Variants in RNF216 observed in about 807,000 individuals in gnomAD.
The protein encoded by RNF216 is ring finger protein 216.
A neutral mutation model predicts 110.8 loss-of-function variants in RNF216; 72 were observed. That is an observed-to-expected ratio of 0.65 (90% CI 0.54 to 0.79). The LOEUF (loss-of-function observed/expected upper bound fraction) is 0.79, where lower values mean the gene tolerates loss of function less well. Ranked by LOEUF, RNF216 falls within the 30% of genes least tolerant of loss-of-function variation. RNF216 has a pLI of 0.00. For synonymous variants in RNF216, 495 were observed against 407.5 expected (o/e 1.21, Z -2.59); for missense variants, 1,342 against 1,141.2 (o/e 1.18, Z -2.54).
At chr7:5,774,464 A>C (rs1284574911) in intron 1 of RNF216, among the ~76,000 whole-genome samples, 1 of 152,192 alleles carries the variant, frequency 6.6e-6, no homozygotes, top group South Asian at 2.1e-4. Flanking sequence ...ATTTTAAAAA[A>C]TAAAAACTTT....
chr7:5,764,034 A>G (rs1261967283), intron 1 of RNF216, among the ~76,000 whole-genome samples: 1 of 151,622 alleles, frequency 6.6e-6, no homozygotes, highest in Non-Finnish European at 1.5e-5. Flanking sequence ...TACTAAAAAT[A>G]CAAGAAATTA....
chr7:5,753,895 T>G (rs1363602403), intron 2 of RNF216, among the ~76,000 whole-genome samples: 1 of 152,104 alleles, frequency 6.6e-6, no homozygotes, highest in African/African-American at 2.4e-5. Flanking sequence ...TTCAGGAGGC[T>G]GAGGCAGGAG....
At chr7:5,779,294 A>AGCT (rs1278796073) in intron 1 of RNF216, among the ~76,000 whole-genome samples, 2 of 152,026 alleles carry the variant, frequency 1.3e-5, no homozygotes, top group African/African-American at 2.4e-5. Context: ...CTCTTTTATT[A>AGCT]GCTGCTGCTG....
chr7:5,656,441 G>A (rs144554966), intron 13 of RNF216, among the ~76,000 whole-genome samples: 1 of 152,176 alleles, frequency 6.6e-6, no homozygotes, highest in Non-Finnish European at 1.5e-5. Flanking sequence ...GAAGAACAGG[G>A]TATCGTGGCC....
intron 15 of RNF216, among the ~76,000 whole-genome samples, chr7:5,629,749 T>C (rs2128558496): frequency 6.9e-6 from 1 of 145,396 alleles, no homozygotes; most frequent in Admixed American, 7.1e-5. Flanking sequence ...ATCACTTGAA[T>C]CTGGGAGGCA....
At chr7:5,768,755 G>A (rs1314048553) in intron 1 of RNF216, among the ~76,000 whole-genome samples, 9 of 149,450 alleles carry the variant, frequency 6.0e-5, no homozygotes, top group East Asian at 2.0e-4. Context: ...TCCGCCTCCC[G>A]GGTTTACGCC....
intron 15 of RNF216, among the ~76,000 whole-genome samples, chr7:5,635,122 C>G (rs114430978): frequency 6.6e-6 from 1 of 152,100 alleles, no homozygotes; most frequent in Admixed American, 6.6e-5. Context: ...CACATCATCT[C>G]CCTCATCTGC....
chr7:5,640,696 A>T (rs1421680718), intron 15 of RNF216, among the ~76,000 whole-genome samples: 1 of 152,266 alleles, frequency 6.6e-6, no homozygotes, highest in East Asian at 1.9e-4. Flanking sequence ...CCATCATTGC[A>T]TTTCTAGAAC....
At position 5,725,369 on chromosome 7, in the gene RNF216, T is replaced by C. The variant is rs1793686045; in HGVS notation, c.1459A>G (p.Lys487Glu). The change falls in exon 8 of 17, where the codon AAA (lysine) becomes GAA (glutamate). Residue 487 changes from lysine to glutamate, a missense_variant. Lys to Glu is a moderately conservative substitution (Grantham distance 56). Transcript: ENST00000389902. Reference protein sequence around the residue: ...PETSGKRKKRKQMNQYSYIDF... With the variant: ...PETSGKRKKREQMNQYSYIDF... ...ATGTAAGAATACTGGTTCATTTGTT[T>C]TCTCTTCTTCCTTTTTCCACTGGTT... is the stretch of plus-strand genomic sequence containing the variant. 6.2e-7 allele frequency: 1 copy of C among 1,613,890 alleles called. No homozygotes were observed. Among genetic ancestry groups the C allele is most frequent in the Non-Finnish European group, 8.5e-7 (1 of 1,179,724 alleles).
At chr7:5,692,770 T>G (rs145744740) in intron 13 of RNF216, among the ~76,000 whole-genome samples, 251 of 152,366 alleles carry the variant, frequency 1.6e-3, no homozygotes, top group African/African-American at 5.6e-3. Flanking sequence ...CATTTCTATT[T>G]TTCAAGTTCT....
chr7:5,761,223 T>C, intron 1 of RNF216, 85 bp from the exon 2 acceptor site: 1 of 511,696 alleles, frequency 2.0e-6, no homozygotes, highest in South Asian at 3.4e-5. Flanking sequence ...CATCTGAAGC[T>C]TATGCTGAAA....
Position 5,622,622 on chromosome 7 carries a change from G to A in RNF216, c.*238C>T. The A allele has an allele frequency of 2.0e-6, 1 of 509,880 alleles. No homozygotes were observed. Among genetic ancestry groups the A allele is most frequent in the Non-Finnish European group, 3.5e-6 (1 of 287,478 alleles). 31.6% of individuals were successfully genotyped at this position (509,880 alleles called of 1,614,324 possible). On this transcript the variant is annotated 3_prime_UTR_variant, in exon 17 of 17. Coordinates refer to ENST00000389902, the MANE Select transcript of RNF216 (RefSeq NM_207111.4). ...GTTGGTGGCCTGGGGGATGCGAGGG[G>A]AGGGGCAGTTCACATCGCAGCTCTC...
intron 13 of RNF216, among the ~76,000 whole-genome samples, chr7:5,688,129 T>G (rs987192773): frequency 6.6e-6 from 1 of 152,242 alleles, no homozygotes; most frequent in African/African-American, 2.4e-5. Flanking sequence ...ATTCCCACAG[T>G]TGGCTGGTGG....
intron 1 of RNF216, among the ~76,000 whole-genome samples, chr7:5,770,448 C>G (rs947584362): frequency 7.1e-6 from 1 of 140,386 alleles, no homozygotes; most frequent in African/African-American, 2.7e-5. Context: ...GCAACGAGAG[C>G]AAAACTCCGT....
chr7:5,709,612 T>C (rs1051799587), intron 13 of RNF216, among the ~76,000 whole-genome samples: 23 of 152,180 alleles, frequency 1.5e-4, no homozygotes, highest in African/African-American at 5.3e-4. Flanking sequence ...AGGCCATGTA[T>C]ATTCCTCCCA....
At position 5,623,166 on chromosome 7, in the gene RNF216, T is replaced by C. The variant is rs1184202419; in HGVS notation, c.2466A>G (p.Lys822=). 6.4e-7 allele frequency: 1 copy of C among 1,557,446 alleles called. No homozygotes were observed. ...QKRKNGENTF[K]RIGPPLEKPV... is the part of the protein sequence containing the mutation. ...GCTTCTCCAGCGGGGGTCCAATGCG[T>C]TTGAAGGTGTTCTCTGAAAGGGATG... Residue 822 remains lysine, a synonymous_variant, in exon 17 of 17, where the codon AAA becomes AAG. Transcript: ENST00000389902.
intron 1 of RNF216, among the ~76,000 whole-genome samples, chr7:5,771,951 G>A (rs1018983651): frequency 6.6e-5 from 10 of 151,888 alleles, no homozygotes; most frequent in Admixed American, 6.6e-4. Context: ...AAACCACAAG[G>A]GGCCGGGCGT....
Position 5,628,457 on chromosome 7 carries a change from G to GT in RNF216, c.2383-4333dup, listed in dbSNP as rs555295636. On this transcript the variant is annotated intron_variant, in intron 15 of 16. Coordinates refer to ENST00000389902, the MANE Select transcript of RNF216 (RefSeq NM_207111.4). ...TTAATAACTTTAATACAACTTAAAA[G>GT]TTTTTTTTCTTTTTTAAAATAAAAA... is the stretch of plus-strand genomic sequence containing the variant. Among the ~76,000 whole-genome samples, 1,172 of 152,068 alleles carry GT rather than the reference G, an allele frequency of 7.7e-3. 9 individuals are homozygous for GT. Among genetic ancestry groups the GT allele is most frequent in the African/African-American group, 0.025 (1,041 of 41,464 alleles).
intron 13 of RNF216, among the ~76,000 whole-genome samples, chr7:5,706,291 T>C (rs1584483888): frequency 6.6e-6 from 1 of 152,006 alleles, no homozygotes; most frequent in East Asian, 1.9e-4. Context: ...CATTTTTAAG[T>C]GTACAGGGTC....
Sources: allele counts gnomAD v4.1 joint callset (sites outside exome capture counted in the v4.1 genomes callset), GRCh38; gene constraint gnomAD v4.1.1; transcripts MANE v1.5; gene names NCBI Gene and HGNC (gene_info 2026-07-23, HGNC 2026-07-21).